SLA2: variants seen among roughly 807,000 people sequenced by gnomAD.
SLA2 encodes src-like-adapter 2.
In SLA2, 22 loss-of-function variants were observed where a neutral mutation model predicts 27.3. That is an observed-to-expected ratio of 0.81 (90% CI 0.58 to 1.15). The LOEUF is 1.15. SLA2 is among the 50% of genes most tolerant of loss of function. The probability of loss-of-function intolerance (pLI) is 0.00; values close to 1 mark genes in which losing one functional copy is unlikely to be tolerated. For synonymous variants in SLA2, 131 were observed against 137.8 expected, an observed-to-expected ratio of 0.95 and a Z score of 0.34; for missense variants, 304 against 322.2, an observed-to-expected ratio of 0.94 and a Z score of 0.43.
chr20:36,641,786 G>T (rs1161895420), intron 1 of SLA2, among the ~76,000 whole-genome samples: 1 of 151,872 alleles, frequency 6.6e-6, no homozygotes, highest in Non-Finnish European at 1.5e-5. Flanking sequence ...GATCACACTT[G>T]GCTACTGGGT....
rs757411408 is a variant in SLA2, at chr20:36,632,621, A to T, written c.356T>A (p.Leu119His). ...TCTCCTGGTCTGGCTCTCCCGGATG[A>T]GGAAGGCCCCTCCAGGGTTCCCAGG... ...LLPGNPGGAF[L>H]IRESQTRRGS... Residue 119 changes from leucine (L) to histidine (H), a missense_variant, in exon 5 of 8, where the codon CTC (leucine) becomes CAC (histidine). By Grantham distance (99) the Leu-to-His change is moderately conservative. Coordinates refer to ENST00000262866, the MANE Select transcript of SLA2 (RefSeq NM_032214.4). 1.9e-6 allele frequency: 3 copies of T among 1,614,024 alleles called. No individual in the cohort carries two copies. In the Admixed American group the frequency reaches 5.0e-5, roughly 27 times the overall value.
chr20:36,615,987 A>G (rs2039205565), intron 5 of SLA2, among the ~76,000 whole-genome samples: 1 of 152,258 alleles, frequency 6.6e-6, no homozygotes, highest in African/African-American at 2.4e-5. Context: ...AATAACTGCT[A>G]CATATAAGCA....
intron 5 of SLA2, among the ~76,000 whole-genome samples, chr20:36,616,814 TA>T (rs938194382): frequency 2.0e-5 from 3 of 152,266 alleles, no homozygotes; most frequent in African/African-American, 7.2e-5. Flanking sequence ...TAAAACAGGC[TA>T]GGGGCAGTGG....
chr20:36,633,990 CCTT>C (rs1310469083), intron 3 of SLA2, among the ~76,000 whole-genome samples: 2 of 151,364 alleles, frequency 1.3e-5, no homozygotes, highest in Admixed American at 6.6e-5. Flanking sequence ...CTAATTCCTT[CCTT>C]CTTTTATTTT....
rs1163227223 is a variant in SLA2 at position 36,612,405 on chromosome 20, T to C, written c.*1461A>G. The C allele has an allele frequency of 1.6e-6, 1 of 644,796 alleles. No individual in the cohort carries two copies. Among genetic ancestry groups the C allele is most frequent in the Non-Finnish European group, 2.7e-6 (1 of 372,858 alleles). The allele number at this position is 644,796 out of a possible 1,614,324, so 39.9% of individuals were successfully genotyped here. ...GTCTTCCTCGATTCTCCATCGGGTGTAGAGTTTTTAAACTATCAATGGCAT... is the reference window on the plus strand; with the variant it reads ...GTCTTCCTCGATTCTCCATCGGGTGCAGAGTTTTTAAACTATCAATGGCAT... On this transcript the variant is annotated 3_prime_UTR_variant, in exon 8 of 8. Transcript: ENST00000262866.
intron 2 of SLA2, among the ~76,000 whole-genome samples, chr20:36,636,193 G>A (rs936090263): frequency 1.3e-5 from 2 of 150,898 alleles, no homozygotes; most frequent in Non-Finnish European, 1.5e-5. Flanking sequence ...CGAGGCGGGT[G>A]GATCATGAGG....
At chr20:36,641,694 C>A (rs1013710001) in intron 1 of SLA2, among the ~76,000 whole-genome samples, 2 of 152,146 alleles carry the variant, frequency 1.3e-5, no homozygotes, top group Non-Finnish European at 2.9e-5. Flanking sequence ...CTTCCTTCCC[C>A]AGGAAGCCTC....
At chr20:36,614,864 G>C (rs2039189355) in intron 6 of SLA2, 1 of 985,390 alleles carries the variant, frequency 1.0e-6, no homozygotes, top group South Asian at 4.7e-5. Context: ...TCTGTTGAAG[G>C]ACAGGCACCA....
chr20:36,620,492 G>GA, intron 5 of SLA2: 3 of 211,032 alleles, frequency 1.4e-5, no homozygotes, highest in Admixed American at 5.3e-5. Flanking sequence ...AAGCAGAGTC[G>GA]AAAAAAGGAT....
rs780027525 is a variant in SLA2 at position 36,614,262 on chromosome 20, C to G, written c.665+43G>C. The G allele has an allele frequency of 3.7e-6, 6 of 1,614,106 alleles. No homozygotes were observed. In the Admixed American group the frequency reaches 1.0e-4, roughly 27 times the overall value. Reference sequence around the variant, plus strand: ...GCTTCCCAGGGGTGGGTCCTTCTAACTCTTGGTCCTGCTTTCATGTTTCCA... The same window carrying G: ...GCTTCCCAGGGGTGGGTCCTTCTAAGTCTTGGTCCTGCTTTCATGTTTCCA... On this transcript the variant is annotated intron_variant, in intron 7 of 7. Transcript: ENST00000262866.
rs554406207 is a variant in SLA2, at chr20:36,627,629, G to A, written c.382+4966C>T. ...CAGAACAGATATACAGCAGGACAGC[G>A]CAGAGGGGCTGCTGCTGGGGCCTGT... On this transcript the variant is annotated intron_variant, in intron 5 of 7. Transcript: ENST00000262866. 6.1e-4 allele frequency among the ~76,000 whole-genome samples: 93 copies of A among 152,318 alleles called. 1 individual carries two copies. The highest frequency in any genetic ancestry group is 2.1e-3 in the African/African-American group (89 of 41,566).
intron 5 of SLA2, among the ~76,000 whole-genome samples, chr20:36,629,092 C>G (rs1014970281): frequency 6.9e-6 from 1 of 145,948 alleles, no homozygotes; most frequent in Non-Finnish European, 1.5e-5. Flanking sequence ...GAGACATAGT[C>G]TCGCTTTGTC....
chr20:36,633,679 C>T (rs955497161), intron 3 of SLA2, 50 bp from the exon 4 acceptor site: 16 of 1,489,348 alleles, frequency 1.1e-5, no homozygotes, highest in Admixed American at 1.0e-4. Context: ...GCCAAGGCCC[C>T]GACAACCACA....
chr20:36,616,212 T>A (rs2039208207), intron 5 of SLA2, among the ~76,000 whole-genome samples: 1 of 152,140 alleles, frequency 6.6e-6, no homozygotes, highest in South Asian at 2.1e-4. Context: ...AGTGGGCGCG[T>A]GGATGTCAGT....
chr20:36,622,019 C>T (rs1319921567), intron 5 of SLA2, among the ~76,000 whole-genome samples: 1 of 151,798 alleles, frequency 6.6e-6, no homozygotes, highest in Non-Finnish European at 1.5e-5. Flanking sequence ...CTGTCTCAAT[C>T]AATCAATAGC....
At chr20:36,617,381 A>C (rs2039225510) in intron 5 of SLA2, among the ~76,000 whole-genome samples, 1 of 151,510 alleles carries the variant, frequency 6.6e-6, no homozygotes, top group Admixed American at 6.6e-5. Context: ...AAAAATAAAT[A>C]AACAAGGCTG....
chr20:36,644,503 T>G (rs1365275379), intron 1 of SLA2, among the ~76,000 whole-genome samples: 1 of 152,182 alleles, frequency 6.6e-6, no homozygotes, highest in Non-Finnish European at 1.5e-5. Context: ...TGCAATAAAC[T>G]GAGAGACTCC....
At chr20:36,638,220 G>C (rs535874002) in intron 2 of SLA2, among the ~76,000 whole-genome samples, 1 of 152,014 alleles carries the variant, frequency 6.6e-6, no homozygotes, top group Non-Finnish European at 1.5e-5. Context: ...CTGTAAAACA[G>C]TGTGCTAAGA....
Position 36,615,188 on chromosome 20 carries a change from A to G in SLA2, c.532+37T>C, listed in dbSNP as rs867938593. The G allele has an allele frequency of 2.5e-6, 4 of 1,613,704 alleles. No individual in the cohort carries two copies. In the Middle Eastern group the frequency reaches 4.9e-4, roughly 200 times the overall value. ...CACTGCCTGCTCCTCCCCACAGACT[A>G]TCCCAGCCTAGTCCTGGAGGCAGGG... On this transcript the variant is annotated intron_variant, in intron 6 of 7. Coordinates refer to ENST00000262866, the MANE Select transcript of SLA2 (RefSeq NM_032214.4).
Sources: allele counts gnomAD v4.1 joint callset (sites outside exome capture counted in the v4.1 genomes callset), GRCh38; gene constraint gnomAD v4.1.1; transcripts MANE v1.5; gene names NCBI Gene and HGNC (gene_info 2026-07-23, HGNC 2026-07-21).